DLG2: variants seen among roughly 807,000 people sequenced by gnomAD.
The protein encoded by DLG2 is disks large homolog 2.
DLG2 carries 45 observed loss-of-function variants against 132.5 expected under a neutral mutation model. The observed-to-expected ratio is 0.34, with a 90% CI of 0.27 to 0.44. The LOEUF is 0.44. Among genes scored for constraint, DLG2 ranks in the 20% least tolerant of loss-of-function variants. The pLI is 1.00. For synonymous variants in DLG2, 424 were observed against 419.6 expected (o/e 1.01, Z -0.13); for missense variants, 1,045 against 1,196.9 (o/e 0.87, Z 1.87).
intron 6 of DLG2, among the ~76,000 whole-genome samples, chr11:84,585,791 T>C (rs2099528274): frequency 6.6e-6 from 1 of 152,264 alleles, no homozygotes; most frequent in African/African-American, 2.4e-5. Context: ...TCCATACTAC[T>C]AGAAATAGCA....
intron 6 of DLG2, among the ~76,000 whole-genome samples, chr11:84,609,708 T>C (rs2099592041): frequency 6.6e-6 from 1 of 152,180 alleles, no homozygotes; most frequent in Non-Finnish European, 1.5e-5. Flanking sequence ...TCAGATTCCC[T>C]GCCTTCCCTT....
At chr11:84,720,410 G>C in intron 6 of DLG2, 1 of 985,474 alleles carries the variant, frequency 1.0e-6, no homozygotes, top group South Asian at 4.7e-5. Flanking sequence ...CTTCCGGGCT[G>C]CGGCAGTGGC....
At chr11:84,215,270 T>C (rs950143749) in intron 8 of DLG2, among the ~76,000 whole-genome samples, 1 of 152,166 alleles carries the variant, frequency 6.6e-6, no homozygotes, top group East Asian at 1.9e-4. Flanking sequence ...ATAGTAGGCA[T>C]AGTATCTTGG....
At chr11:83,835,255 T>G (rs1595150859) in intron 16 of DLG2, among the ~76,000 whole-genome samples, 1 of 152,276 alleles carries the variant, frequency 6.6e-6, no homozygotes, top group East Asian at 1.9e-4. Flanking sequence ...CTTGTGGGCT[T>G]ACAATCTAAT....
chr11:84,102,884 T>C (rs1566507894), intron 9 of DLG2, among the ~76,000 whole-genome samples: 1 of 152,154 alleles, frequency 6.6e-6, no homozygotes, highest in Non-Finnish European at 1.5e-5. Context: ...TTCTTTTGAA[T>C]TGACTACAAT....
At chr11:84,838,290 G>A (rs930328074) in intron 6 of DLG2, among the ~76,000 whole-genome samples, 4 of 151,778 alleles carry the variant, frequency 2.6e-5, no homozygotes, top group Non-Finnish European at 5.9e-5. Context: ...CCAAGAGGAG[G>A]TCTTATGTCT....
chr11:85,428,428 T>C (rs2090931462), intron 3 of DLG2, among the ~76,000 whole-genome samples: 1 of 152,160 alleles, frequency 6.6e-6, no homozygotes, highest in East Asian at 1.9e-4. Flanking sequence ...ACAAACTGTC[T>C]CTCAGACCAC....
At chr11:84,366,573 C>T (rs1802797106) in intron 7 of DLG2, among the ~76,000 whole-genome samples, 1 of 152,058 alleles carries the variant, frequency 6.6e-6, no homozygotes, top group South Asian at 2.1e-4. Flanking sequence ...ACCCATCTCA[C>T]ATGCAGAGAC....
chr11:85,132,721 T>C (rs1034111565), intron 5 of DLG2: 2 of 456,490 alleles, frequency 4.4e-6, no homozygotes, highest in African/African-American at 2.0e-5. Context: ...ACCAGAATAA[T>C]AATAGAAAAA....
At chr11:84,410,565 C>A (rs1183465759) in intron 7 of DLG2, among the ~76,000 whole-genome samples, 1 of 149,886 alleles carries the variant, frequency 6.7e-6, no homozygotes, top group Admixed American at 6.7e-5. Flanking sequence ...TTTTTAAAAA[C>A]CACATAAACT....
At chr11:84,810,788 T>A (rs2076469494) in intron 6 of DLG2, among the ~76,000 whole-genome samples, 1 of 152,164 alleles carries the variant, frequency 6.6e-6, no homozygotes. Flanking sequence ...GATACACATA[T>A]CTTAAATGAA....
intron 7 of DLG2, among the ~76,000 whole-genome samples, chr11:84,314,158 G>A (rs149610679): frequency 1.2e-4 from 18 of 152,296 alleles, no homozygotes; most frequent in African/African-American, 3.8e-4. Flanking sequence ...ATATCTCCGA[G>A]GGCAAGATCC....
chr11:84,852,484 A>G (rs906182331), intron 6 of DLG2, among the ~76,000 whole-genome samples: 1 of 145,002 alleles, frequency 6.9e-6, no homozygotes, highest in African/African-American at 2.4e-5. Flanking sequence ...CAATATTAGG[A>G]AAGAATGTCA....
At chr11:83,546,282 G>A (rs1317163992) in intron 19 of DLG2, among the ~76,000 whole-genome samples, 4 of 152,048 alleles carry the variant, frequency 2.6e-5, no homozygotes, top group African/African-American at 9.7e-5. Flanking sequence ...CAATTTATTG[G>A]GTAGGCAACA....
chr11:84,297,128 T>C (rs1345546011), intron 7 of DLG2, among the ~76,000 whole-genome samples: 1 of 21,304 alleles, frequency 4.7e-5, no homozygotes, highest in Non-Finnish European at 1.7e-4. Flanking sequence ...CTCAAAGAAT[T>C]TGAAAAAAAA....
rs973890081 is a variant in DLG2, at chr11:84,157,280, G to T, written c.624+6181C>A. Among the ~76,000 whole-genome samples the T allele has an allele frequency of 2.6e-5, 4 of 152,046 alleles. 1 individual carries two copies. ...TGCAAATGTAAATATTAAATACAAA[G>T]GTACCACCCAAGCATGTGTGTATTT... On this transcript the variant is annotated intron_variant, in intron 9 of 27. Transcript: ENST00000376104.
At chr11:85,143,393 C>G (rs1410541328) in intron 5 of DLG2, among the ~76,000 whole-genome samples, 1 of 151,684 alleles carries the variant, frequency 6.6e-6, no homozygotes, top group African/African-American at 2.4e-5. Context: ...TGTAATGTCA[C>G]GTTTTTCATC....
intron 7 of DLG2, among the ~76,000 whole-genome samples, chr11:84,399,412 TA>T (rs2098821979): frequency 6.6e-6 from 1 of 152,126 alleles, no homozygotes; most frequent in Non-Finnish European, 1.5e-5. Flanking sequence ...ATGATGGCAC[TA>T]AAAAATATTT....
chr11:83,497,548 A>AAAAAACC (rs1298894649), intron 21 of DLG2, among the ~76,000 whole-genome samples: 1 of 148,770 alleles, frequency 6.7e-6, no homozygotes, highest in African/African-American at 2.5e-5. Flanking sequence ...AACAAAAAAC[A>AAAAAACC]AAAAACAAAA....
Sources: allele counts gnomAD v4.1 joint callset (sites outside exome capture counted in the v4.1 genomes callset), GRCh38; gene constraint gnomAD v4.1.1; transcripts MANE v1.5; gene names NCBI Gene and HGNC (gene_info 2026-07-23, HGNC 2026-07-21).